The following WDR25 variants were observed in gnomAD, a reference collection of about 807,000 sequenced individuals.
WDR25 encodes WD repeat domain 25.
In WDR25, 35 loss-of-function variants were observed where a neutral mutation model predicts 47.7. That is an observed-to-expected ratio of 0.73 (90% CI 0.56 to 0.97). The LOEUF is 0.97. WDR25 is among the 50% of genes least tolerant of loss of function. The pLI, the probability that WDR25 is intolerant of heterozygous loss-of-function variation, is 0.00. For synonymous variants in WDR25, 248 were observed against 278.9 expected, an observed-to-expected ratio of 0.89 and a Z score of 1.10; for missense variants, 634 against 704.7, an observed-to-expected ratio of 0.90 and a Z score of 1.14.
rs140283048 is a variant in WDR25, at chr14:100,441,788, G to T, written c.823-26233G>T. 3.0e-4 allele frequency among the ~76,000 whole-genome samples: 46 copies of T among 152,344 alleles called. 1 individual carries two copies. The East Asian group carries it at 7.9e-3, about 26-fold the overall frequency. ...CCCTGATTGGTGCTTGGCATACAGA[G>T]CCTAGTCAACAAGCATCGGTTCCTT... On this transcript the variant is annotated intron_variant, in intron 2 of 6. Coordinates refer to ENST00000402312, the MANE Select transcript of WDR25 (RefSeq NM_001161476.3).
chr14:100,382,008 A>T (rs1053870791), intron 2 of WDR25: 5 of 696,946 alleles, frequency 7.2e-6, no homozygotes, highest in Admixed American at 6.2e-5. Context: ...GTGAGGGAGG[A>T]GGTGAGAGTG....
At chr14:100,442,007 C>A (rs1353682426) in intron 2 of WDR25, among the ~76,000 whole-genome samples, 1 of 152,216 alleles carries the variant, frequency 6.6e-6, no homozygotes, top group African/African-American at 2.4e-5. Flanking sequence ...TGACACCAGG[C>A]TGTTGCTCCC....
chr14:100,380,808 T>G, intron 1 of WDR25, 102 bp from the exon 2 acceptor site: 1 of 1,115,612 alleles, frequency 9.0e-7, no homozygotes, highest in Non-Finnish European at 1.3e-6. Context: ...TTTATTCTTA[T>G]GAGTGTTGAG....
At chr14:100,479,448 A>G (rs1183845492) in intron 3 of WDR25, among the ~76,000 whole-genome samples, 2 of 151,936 alleles carry the variant, frequency 1.3e-5, no homozygotes, top group Admixed American at 1.3e-4. Context: ...CAGATTTCCA[A>G]TTAGATCAAT....
intron 2 of WDR25, among the ~76,000 whole-genome samples, chr14:100,409,232 C>G (rs1316829144): frequency 6.6e-6 from 1 of 152,242 alleles, no homozygotes; most frequent in Non-Finnish European, 1.5e-5. Flanking sequence ...CGGCTCCAGC[C>G]TCTCATTTTA....
intron 2 of WDR25, among the ~76,000 whole-genome samples, chr14:100,443,392 A>G (rs559000243): frequency 8.6e-5 from 13 of 151,696 alleles, no homozygotes; most frequent in Non-Finnish European, 1.3e-4. Flanking sequence ...CATCTACTGG[A>G]AAAGCCACCG....
At chr14:100,474,565 G>A (rs1211300348) in intron 3 of WDR25, among the ~76,000 whole-genome samples, 7 of 152,152 alleles carry the variant, frequency 4.6e-5, no homozygotes, top group South Asian at 2.1e-4. Context: ...ACGTGTTTAC[G>A]GCATGTCTGC....
chr14:100,422,713 C>CCTCT (rs1360637702), intron 2 of WDR25, among the ~76,000 whole-genome samples: 2 of 152,166 alleles, frequency 1.3e-5, no homozygotes, highest in African/African-American at 4.8e-5. Context: ...TTCTTCACAC[C>CCTCT]CTCTCCATCA....
In WDR25 at chr14:100,498,346, G is replaced by A. The variant is rs1900803684; in HGVS notation, c.1101+14222G>A. On this transcript the variant is annotated intron_variant, in intron 4 of 6. Transcript: ENST00000402312. The surrounding 1 kb of genome is among the most constrained non-coding windows in gnomAD (Gnocchi z 4.2). The stretch of plus-strand genomic sequence containing the variant: ...GGCCATTGCCACGCCCAGTTCAGAA[G>A]GGAGATGAGGAGTGGATAGCTCTCT... Among the ~76,000 whole-genome samples the A allele has an allele frequency of 6.6e-6, 1 of 152,194 alleles. No individual in the cohort carries two copies. Among genetic ancestry groups the A allele is most frequent in the African/African-American group, 2.4e-5 (1 of 41,454 alleles).
rs927727966 is a variant in WDR25 at position 100,382,129 on chromosome 14, G to T, written c.822+383G>T. The stretch of plus-strand genomic sequence containing the variant: ...CCAGCTCTGTGCCTGGTGCTGTGCT[G>T]GTTTCAAGGGCTGTTGGGAGAGGTA... On this transcript the variant is annotated intron_variant, in intron 2 of 6. Transcript: ENST00000402312. 2.4e-5 allele frequency: 17 copies of T among 702,890 alleles called. No homozygotes were observed. In the Admixed American group the frequency reaches 3.2e-4, roughly 13 times the overall value. The allele number at this position is 702,890 out of a possible 1,614,324, so 43.5% of individuals were successfully genotyped here. A position where few individuals can be genotyped will look rare whatever the true frequency, so the allele number is the denominator to read the frequency against.
At chr14:100,505,618 A>G (rs1229235282) in intron 4 of WDR25, among the ~76,000 whole-genome samples, 2 of 152,220 alleles carry the variant, frequency 1.3e-5, no homozygotes, top group Non-Finnish European at 2.9e-5. Context: ...TTTTTCTACA[A>G]AGATATCTAT....
At chr14:100,524,207 T>G (rs2029998885) in intron 4 of WDR25, among the ~76,000 whole-genome samples, 2 of 152,026 alleles carry the variant, frequency 1.3e-5, no homozygotes, top group African/African-American at 4.8e-5. Context: ...AGGTAGTTCT[T>G]GGCTCCTGGG....
chr14:100,460,484 G>T (rs1185245676), intron 2 of WDR25, among the ~76,000 whole-genome samples: 1 of 152,046 alleles, frequency 6.6e-6, no homozygotes, highest in Non-Finnish European at 1.5e-5. Context: ...GACCAAGGAG[G>T]ATTTGTCCCA....
chr14:100,439,917 T>G (rs1898616997), intron 2 of WDR25, among the ~76,000 whole-genome samples: 1 of 152,178 alleles, frequency 6.6e-6, no homozygotes. Context: ...TCGTGTGACG[T>G]GGCAGAGGCT....
chr14:100,404,119 C>G lies in WDR25; in HGVS notation c.822+22373C>G, dbSNP rs1897462460. 6.6e-6 allele frequency among the ~76,000 whole-genome samples: 1 copy of G among 151,702 alleles called. No individual in the cohort carries two copies. The highest frequency in any genetic ancestry group is 1.5e-5 in the Non-Finnish European group (1 of 67,882). On this transcript the variant is annotated intron_variant, in intron 2 of 6. Coordinates refer to ENST00000402312, the MANE Select transcript of WDR25 (RefSeq NM_001161476.3). This position sits in a 1 kb window ranked among gnomAD's most constrained non-coding sequence, Gnocchi z 4.6. ...AGAACTCCCATTTGCTGAGATCCTA[C>G]CATGTGTCCAGCCCAGTGCTGGGCC...
chr14:100,462,487 T>C (rs1899447231), intron 2 of WDR25, among the ~76,000 whole-genome samples: 1 of 152,216 alleles, frequency 6.6e-6, no homozygotes, highest in Non-Finnish European at 1.5e-5. Flanking sequence ...TCTTCCCTCC[T>C]TCACCCTGGA....
chr14:100,379,078 A>G (rs1435986361), intron 1 of WDR25, among the ~76,000 whole-genome samples: 3 of 150,644 alleles, frequency 2.0e-5, no homozygotes, highest in Non-Finnish European at 2.9e-5. Flanking sequence ...CTTTCCCACC[A>G]TGGATCCTGG....
At chr14:100,434,365 A>C (rs1421487861) in intron 2 of WDR25, among the ~76,000 whole-genome samples, 1 of 152,150 alleles carries the variant, frequency 6.6e-6, no homozygotes, top group Non-Finnish European at 1.5e-5. Flanking sequence ...GGTTTTCACA[A>C]TGTATTTATG....
intron 2 of WDR25, among the ~76,000 whole-genome samples, chr14:100,451,789 G>A (rs1394310741): frequency 6.6e-6 from 1 of 152,218 alleles, no homozygotes; most frequent in Non-Finnish European, 1.5e-5. Context: ...TTGAACAAGA[G>A]CACTCAACTC....
Sources: allele counts gnomAD v4.1 joint callset (sites outside exome capture counted in the v4.1 genomes callset), GRCh38; gene constraint gnomAD v4.1.1; non-coding constraint Gnocchi (gnomAD v3.1); transcripts MANE v1.5; gene names NCBI Gene and HGNC (gene_info 2026-07-23, HGNC 2026-07-21).